Variants in ASTN1 observed in about 807,000 individuals in gnomAD.
The protein encoded by ASTN1 is astrotactin 1.
A neutral mutation model predicts 140.7 loss-of-function variants in ASTN1; 41 were observed. That is an observed-to-expected ratio of 0.29 (90% confidence interval 0.23 to 0.38). The LOEUF is 0.38. ASTN1 is among the 10% of genes least tolerant of loss of function. The pLI is 1.00. For missense variants in ASTN1, 1,479 were observed against 1,678.8 expected (o/e 0.88, Z 2.08); for synonymous variants, 640 against 652.2 (o/e 0.98, Z 0.29).
At chr1:176,932,550 A>C (rs1671254497) in intron 16 of ASTN1, among the ~76,000 whole-genome samples, 1 of 152,252 alleles carries the variant, frequency 6.6e-6, no homozygotes, top group Admixed American at 6.5e-5. Context: ...ACGTAGACCT[A>C]CTAAAATGTT....
rs192688337 is a variant in ASTN1, at chr1:177,071,779, T to G, written c.284-10514A>C. Among the ~76,000 whole-genome samples, 285 of 152,294 alleles carry G rather than the reference T, an allele frequency of 1.9e-3. 1 individual carries two copies. The highest frequency in any genetic ancestry group is 6.4e-3 in the African/African-American group (268 of 41,566). On this transcript the variant is annotated intron_variant, in intron 1 of 22. Transcript: ENST00000361833. ...TCTCTGTGATTTGCAATTGCCATAA[T>G]GGGGGCTGGACCTCAAGTTCCTTCA...
At chr1:176,999,406 T>C (rs1357194340) in intron 8 of ASTN1, among the ~76,000 whole-genome samples, 3 of 152,184 alleles carry the variant, frequency 2.0e-5, no homozygotes, top group African/African-American at 4.8e-5. Flanking sequence ...GTTTAGAAAA[T>C]GTATTAAATG....
At chr1:177,113,295 C>A (rs942528579) in intron 1 of ASTN1, among the ~76,000 whole-genome samples, 1 of 152,188 alleles carries the variant, frequency 6.6e-6, no homozygotes, top group Non-Finnish European at 1.5e-5. Flanking sequence ...CACTGTCCCC[C>A]CAACCCCCAG....
intron 1 of ASTN1, among the ~76,000 whole-genome samples, chr1:177,130,271 G>A (rs1681879881): frequency 6.6e-6 from 1 of 152,140 alleles, no homozygotes; most frequent in African/African-American, 2.4e-5. Flanking sequence ...GGCAGTGCAT[G>A]GCAGGGTGGT....
rs1162912260 is a variant in ASTN1 at position 176,934,615 on chromosome 1, G to GT, written c.2483-276dup. Among the ~76,000 whole-genome samples the GT allele has an allele frequency of 4.0e-3, 564 of 142,716 alleles. 2 individuals are homozygous for GT. Among genetic ancestry groups the GT allele is most frequent in the African/African-American group, 0.01 (406 of 39,322 alleles). 93.6% of individuals were successfully genotyped at this position (142,716 alleles called of 152,430 possible). ...ACTCCTGTCCCCTTTAAATCAATGT[G>GT]TTTTTTTTTTTTTAAATCACAGGTC... On this transcript the variant is annotated intron_variant, in intron 15 of 22. Transcript: ENST00000361833.
intron 19 of ASTN1, among the ~76,000 whole-genome samples, chr1:176,883,231 C>CT (rs55903122): frequency 0.057 from 7,431 of 130,490 alleles, 303 homozygotes; most frequent in African/African-American, 0.097. Flanking sequence ...CTGAGAGCTT[C>CT]TTTTTTTTTT....
chr1:176,874,507 A>C (rs144238996), intron 21 of ASTN1, among the ~76,000 whole-genome samples: 1 of 152,180 alleles, frequency 6.6e-6, no homozygotes, highest in East Asian at 1.9e-4. Context: ...TGGGTAAAAT[A>C]ACAAGTGTGA....
At chr1:176,941,949 G>A (rs1013282626) in intron 14 of ASTN1, among the ~76,000 whole-genome samples, 4 of 152,162 alleles carry the variant, frequency 2.6e-5, no homozygotes, top group African/African-American at 7.2e-5. Flanking sequence ...ATGTCCGGAA[G>A]CTGCAAGTTA....
intron 1 of ASTN1, among the ~76,000 whole-genome samples, chr1:177,154,191 A>T (rs909972706): frequency 1.3e-5 from 2 of 152,206 alleles, no homozygotes; most frequent in Non-Finnish European, 2.9e-5. Context: ...GATGTCCATC[A>T]CTGAAAGGAC....
intron 1 of ASTN1, among the ~76,000 whole-genome samples, chr1:177,120,290 G>A (rs1198206184): frequency 1.3e-5 from 2 of 152,218 alleles, no homozygotes; most frequent in African/African-American, 4.8e-5. Flanking sequence ...TCATTGGGAA[G>A]TTTTATGTAA....
rs539052563 is a variant in ASTN1 at position 177,035,366 on chromosome 1, C to T, written c.472-2517G>A. ...CAGAATAGGAGAGTATGGATGAATA[C>T]ATCCAGACCCATTGTCAGTTCTGGA... On this transcript the variant is annotated intron_variant, in intron 2 of 22. Transcript: ENST00000361833. Among the ~76,000 whole-genome samples the T allele has an allele frequency of 2.6e-4, 39 of 152,274 alleles. 1 individual carries two copies. The highest frequency in any genetic ancestry group is 9.1e-4 in the African/African-American group (38 of 41,538).
chr1:176,887,531 T>A (rs1669078014), intron 18 of ASTN1, among the ~76,000 whole-genome samples: 1 of 152,224 alleles, frequency 6.6e-6, no homozygotes, highest in South Asian at 2.1e-4. Context: ...ACATGCCTCT[T>A]AACCAATTCT....
rs556443561 is a variant in ASTN1 at position 177,024,628 on chromosome 1, C to T, written c.1225G>A (p.Val409Ile). The T allele has an allele frequency of 4.5e-5, 73 of 1,614,016 alleles. No individual in the cohort carries two copies. The East Asian group carries it at 6.2e-4, about 14-fold the overall frequency. ...VCSSHVNCPL[V>I]VKITLHVPEH... The stretch of plus-strand genomic sequence containing the variant: ...GGGACATGCAGGGTGATCTTGACAA[C>T]GAGAGGGCAGTTGACGTGAGAGGAG... Residue 409 changes from valine to isoleucine, a missense_variant, in exon 6 of 23, where the codon GTT becomes ATT. Physicochemically the swap from Val to Ile is conservative, Grantham distance 29. Transcript: ENST00000361833.
At chr1:177,112,341 CA>C (rs1680861246) in intron 1 of ASTN1, among the ~76,000 whole-genome samples, 1 of 152,228 alleles carries the variant, frequency 6.6e-6, no homozygotes, top group Non-Finnish European at 1.5e-5. Context: ...TGAAGGCACA[CA>C]AGCCAGTTAT....
chr1:177,144,790 C>G (rs916902878), intron 1 of ASTN1, among the ~76,000 whole-genome samples: 4 of 152,042 alleles, frequency 2.6e-5, no homozygotes, highest in Admixed American at 2.6e-4. Flanking sequence ...TATGCCCTAG[C>G]ATCCCAGTCT....
chr1:177,062,261 G>A (rs1442907772), intron 1 of ASTN1, among the ~76,000 whole-genome samples: 1 of 149,380 alleles, frequency 6.7e-6, no homozygotes, highest in African/African-American at 2.5e-5. Flanking sequence ...TTTTTTTTAA[G>A]CAAGGGTCTT....
chr1:177,110,762 C>T (rs913905566), intron 1 of ASTN1, among the ~76,000 whole-genome samples: 2 of 152,196 alleles, frequency 1.3e-5, no homozygotes, highest in Admixed American at 1.3e-4. Context: ...GGCAGAGCCA[C>T]AGTCGGGACT....
intron 1 of ASTN1, among the ~76,000 whole-genome samples, chr1:177,137,415 G>C (rs746478707): frequency 1.2e-4 from 19 of 152,178 alleles, no homozygotes; most frequent in Admixed American, 8.5e-4. Flanking sequence ...AAAGAAAAGA[G>C]TTCAAGGATA....
intron 1 of ASTN1, among the ~76,000 whole-genome samples, chr1:177,150,772 T>C (rs1328448498): frequency 6.6e-6 from 1 of 152,110 alleles, no homozygotes; most frequent in Admixed American, 6.6e-5. Context: ...TGTTGTGTAC[T>C]TCAGGGGTTG....
Sources: gnomAD v4.1 joint callset for allele counts (sites outside exome capture counted in the v4.1 genomes callset) on GRCh38, gnomAD v4.1.1 for gene constraint, MANE v1.5 for transcripts, NCBI Gene and HGNC (gene_info 2026-07-23, HGNC 2026-07-21) for gene names.